The following DENND2D variants were observed in gnomAD, a reference collection of about 807,000 sequenced individuals.
DENND2D encodes the protein DENN domain containing 2D.
DENND2D carries 37 observed loss-of-function variants against 59.8 expected under a neutral mutation model. The observed-to-expected ratio is 0.62, with a 90% CI of 0.48 to 0.81. DENND2D has a LOEUF of 0.81. Ranked by LOEUF, DENND2D falls within the 40% of genes least tolerant of loss-of-function variation. DENND2D has a pLI of 0.00. For synonymous variants in DENND2D, 219 were observed against 211.3 expected (o/e 1.04, Z -0.31); for missense variants, 525 against 579.7 (o/e 0.91, Z 0.97).
At chr1:111,195,056 C>T (rs1354628651) in intron 6 of DENND2D, 3 of 268,976 alleles carry the variant, frequency 1.1e-5, no homozygotes, top group Non-Finnish European at 2.1e-5. Context: ...CTGCTCTGCT[C>T]CCTTCATTCT....
chr1:111,189,201 C>G lies in DENND2D; in HGVS notation c.1014+11G>C. 6.2e-7 allele frequency: 1 copy of G among 1,614,108 alleles called. No homozygotes were observed. ...GATAGGCCTGCAGGGGATCTGAACC[C>G]AGACACTTACCGACATTAAGAAGGT... is the stretch of plus-strand genomic sequence containing the variant. On this transcript the variant is annotated intron_variant, in intron 9 of 11. Transcript: ENST00000357640.
In DENND2D at chr1:111,192,200, G is replaced by A; in HGVS notation, c.912C>T (p.Pro304=). 1 of 1,613,844 alleles carries A rather than the reference G, an allele frequency of 6.2e-7. No individual in the cohort carries two copies. ...AGCGCATTTGTACTCCAACCATGAA[G>A]GGGGTGGGGCAGCAGACGGTGGCCA... ...SLLATVCCPT[P]FMVGVQMRFQ... The change falls in exon 8 of 12, where the codon CCC becomes CCT. Residue 304 remains proline, a synonymous_variant. Coordinates refer to ENST00000357640, the MANE Select transcript of DENND2D (RefSeq NM_024901.5).
At chr1:111,193,154 G>A (rs1657934504) in intron 7 of DENND2D, among the ~76,000 whole-genome samples, 1 of 152,162 alleles carries the variant, frequency 6.6e-6, no homozygotes, top group South Asian at 2.1e-4. Flanking sequence ...CAAAGTCAAG[G>A]CCAATAAAAG....
intron 2 of DENND2D, among the ~76,000 whole-genome samples, chr1:111,199,038 G>C (rs887196138): frequency 6.6e-6 from 1 of 152,226 alleles, no homozygotes; most frequent in South Asian, 2.1e-4. Flanking sequence ...GTTGAATATA[G>C]AAAGGCCCTG....
chr1:111,194,710 C>T lies in DENND2D; in HGVS notation c.662G>A (p.Arg221Gln), dbSNP rs2101475827. Residue 221 changes from arginine (R) to glutamine (Q), a missense_variant, in exon 7 of 12, where the codon CGG becomes CAG. Physicochemically the swap from Arg to Gln is conservative, Grantham distance 43. Coordinates refer to ENST00000357640, the MANE Select transcript of DENND2D (RefSeq NM_024901.5). ...DSGTEFISLT[R>Q]PLDSHLEHVD... ...ATGTTCTAGGTGGGAGTCCAGGGGC[C>T]GTGTCAGTGAAATGAACTGTGGGGA... is the stretch of plus-strand genomic sequence containing the variant. 3.1e-6 allele frequency: 5 copies of T among 1,613,566 alleles called. No homozygotes were observed. The highest frequency in any genetic ancestry group is 2.2e-5 in the South Asian group (2 of 91,002).
At chr1:111,203,709 G>A (rs1269684129), upstream of DENND2D, among the ~76,000 whole-genome samples, 4 of 152,230 alleles carry the variant, frequency 2.6e-5, no homozygotes, top group African/African-American at 9.6e-5. Flanking sequence ...CTGGAAAGCA[G>A]CAGCTGCGCA....
At chr1:111,202,469 G>T (rs1571206650), upstream of DENND2D, 2 of 152,136 alleles carry the variant, frequency 1.3e-5, no homozygotes, top group Admixed American at 6.5e-5. Flanking sequence ...ATTATTCAGA[G>T]TTTTAGTTGA....
chr1:111,201,239 C>T (rs1315711963), upstream of DENND2D: 1 of 152,218 alleles, frequency 6.6e-6, no homozygotes, highest in Admixed American at 6.5e-5. Flanking sequence ...CATCTCTAAG[C>T]CCAGAGTTCG....
rs560376649 is a variant in DENND2D, at chr1:111,197,965, G to A, written c.381C>T (p.Thr127=). 1 of 1,614,102 alleles carries A rather than the reference G, an allele frequency of 6.2e-7. No individual in the cohort carries two copies. Among genetic ancestry groups the A allele is most frequent in the African/African-American group, 1.3e-5 (1 of 75,036 alleles). Residue 127 remains threonine (T), a synonymous_variant, in exon 4 of 12, where the codon ACC becomes ACT. Coordinates refer to ENST00000357640, the MANE Select transcript of DENND2D (RefSeq NM_024901.5). ...CAATCTTTCTGCTCCCATCCACATT[G>A]GTCAGAACGAAGGAGAAGGTCTCCC... ...YPRETFSFVL[T]NVDGSRKIGY...
Position 111,198,795 on chromosome 1 carries a change from A to G in DENND2D, c.244-53T>C. 2.5e-6 allele frequency: 4 copies of G among 1,589,874 alleles called. No individual in the cohort carries two copies. The South Asian group carries it at 4.4e-5, about 18-fold the overall frequency. On this transcript the variant is annotated intron_variant, in intron 2 of 11. Transcript: ENST00000357640. ...ATGTGAAGCTGGGGGCAGAGATAGCAGGAGACAGCTTCAGAGCTGGTGGGC... is the reference window on the plus strand; with the variant it reads ...ATGTGAAGCTGGGGGCAGAGATAGCGGGAGACAGCTTCAGAGCTGGTGGGC...
rs548238851 is a variant in DENND2D at position 111,198,641 on chromosome 1, G to A, written c.345C>T (p.Thr115=). 199 of 1,613,786 alleles carry A rather than the reference G, an allele frequency of 1.2e-4. No homozygotes were observed. Among genetic ancestry groups the A allele is most frequent in the East Asian group, 3.6e-4 (16 of 44,880 alleles). The change falls in exon 3 of 12, where the codon ACC becomes ACT. Residue 115 remains threonine, a synonymous_variant. Coordinates refer to ENST00000357640, the MANE Select transcript of DENND2D (RefSeq NM_024901.5). ...FPDGNEWASL[T]EYPRETFSFV... is the part of the protein sequence containing the mutation. ...GGCTGAGCAATTACCTGGGATACTC[G>A]GTGAGTGATGCCCACTCATTCCCAT...
chr1:111,189,098 A>G, intron 9 of DENND2D, 114 bp downstream of exon 9: 1 of 1,249,992 alleles, frequency 8.0e-7, no homozygotes, highest in Admixed American at 1.9e-5. Flanking sequence ...TTTTTAGCAC[A>G]GATTCTCACT....
rs779891645 is a variant in DENND2D at position 111,195,899 on chromosome 1, C to T, written c.645+17G>A. On this transcript the variant is annotated intron_variant, in intron 6 of 11. Coordinates refer to ENST00000357640, the MANE Select transcript of DENND2D (RefSeq NM_024901.5). ...CCTCTCCAGCTAGGGAAGGTCTCAC[C>T]CATTTTGCTAACCCACCTCAGTGCC... 7.4e-6 allele frequency: 12 copies of T among 1,613,900 alleles called. No individual in the cohort carries two copies. The South Asian group carries it at 1.3e-4, about 18-fold the overall frequency.
At position 111,197,999 on chromosome 1, in the gene DENND2D, A is replaced by G. The variant is rs1293513541; in HGVS notation, c.357-10T>C. The G allele has an allele frequency of 6.2e-7, 1 of 1,613,652 alleles. No homozygotes were observed. Among genetic ancestry groups the G allele is most frequent in the Non-Finnish European group, 8.5e-7 (1 of 1,179,708 alleles). On this transcript the variant is annotated splice_polypyrimidine_tract_variant and intron_variant, in intron 3 of 11. Transcript: ENST00000357640. ...GAAGGAGAAGGTCTCCCTAAGAAAG[A>G]GCAGACAAGGCTTGATTTGTATTGC...
chr1:111,204,083 G>T, upstream of DENND2D: 1 of 321,874 alleles, frequency 3.1e-6, no homozygotes, highest in Non-Finnish European at 5.3e-6. Flanking sequence ...CCTCAGGCCT[G>T]GCCTCGCCGT....
Position 111,199,718 on chromosome 1 carries a change from C to T in DENND2D, c.148G>A (p.Gly50Arg), listed in dbSNP as rs1384477549. The stretch of plus-strand genomic sequence containing the variant: ...AGAAGGTATTCAAAGAAGTGCTGCC[C>T]CCCAGCAAAGTTGGGCAAAGAGTGC... ...QEHSLPNFAG[G>R]QHFFEYLLVV... The change falls in exon 2 of 12, where the codon GGG becomes AGG. Residue 50 changes from glycine to arginine, a missense_variant. Coordinates refer to ENST00000357640, the MANE Select transcript of DENND2D (RefSeq NM_024901.5). 3 of 1,614,170 alleles carry T rather than the reference C, an allele frequency of 1.9e-6. No homozygotes were observed. The highest frequency in any genetic ancestry group is 1.7e-6 in the Non-Finnish European group (2 of 1,180,034).
intron 1 of DENND2D, 168 bp downstream of exon 1, chr1:111,200,225 T>A: frequency 2.3e-6 from 2 of 865,864 alleles, no homozygotes; most frequent in Non-Finnish European, 1.8e-6. Flanking sequence ...AGAGAGGGCA[T>A]GACCAGCTCT....
intron 7 of DENND2D, among the ~76,000 whole-genome samples, chr1:111,192,964 C>T (rs967474916): frequency 3.9e-5 from 6 of 152,222 alleles, no homozygotes; most frequent in Non-Finnish European, 7.3e-5. Context: ...AATTCCTACA[C>T]GGAAAGTCCC....
At chr1:111,204,191 T>A (rs1169881434), upstream of DENND2D, 2 of 1,234,518 alleles carry the variant, frequency 1.6e-6, no homozygotes, top group Non-Finnish European at 2.1e-6. Context: ...TGCTCCCGGA[T>A]CTCGACGCCC....
Sources: allele counts gnomAD v4.1 joint callset (sites outside exome capture counted in the v4.1 genomes callset), GRCh38; gene constraint gnomAD v4.1.1; transcripts MANE v1.5; gene names NCBI Gene and HGNC (gene_info 2026-07-23, HGNC 2026-07-21).